Variants in IL3RA observed in about 807,000 individuals in gnomAD.
IL3RA encodes the protein interleukin-3 receptor subunit alpha.
A neutral mutation model predicts 52.3 loss-of-function variants in IL3RA; 73 were observed. The observed-to-expected ratio is 1.40, with a 90% CI of 1.16 to 1.70. The LOEUF (loss-of-function observed/expected upper bound fraction) is 1.70, where lower values mean the gene tolerates loss of function less well. IL3RA is among the 40% of genes most tolerant of loss of function. IL3RA has a pLI of 0.00. For synonymous variants in IL3RA, 260 were observed against 194.0 expected, an observed-to-expected ratio of 1.34 and a Z score of -2.83; for missense variants, 664 against 504.4, an observed-to-expected ratio of 1.32 and a Z score of -3.03.
chrX:1,377,366 G>C (rs2088838836), intron 9 of IL3RA, among the ~76,000 whole-genome samples: 1 of 151,808 alleles, frequency 6.6e-6, no homozygotes, highest in African/African-American at 2.4e-5. Flanking sequence ...TCAGCCTTCT[G>C]AGTAGCTGGG....
chrX:1,354,411 G>A, intron 6 of IL3RA, among the ~76,000 whole-genome samples: 1 of 150,900 alleles, frequency 6.6e-6, no homozygotes, highest in South Asian at 2.1e-4. Context: ...GTGCTCGGAT[G>A]CTTCAGAAGA....
In IL3RA at chrX:1,345,396, G is replaced by A. The variant is rs763856144; in HGVS notation, c.145G>A (p.Asp49Asn). ...LTWDLNRNVT[D>N]IECVKDADYS... ...CTGGGACCTTAACAGAAATGTGACC[G>A]ATATCGAGTGTGTTAAAGACGCCGA... The change falls in exon 3 of 12, where the codon GAT (aspartate) becomes AAT (asparagine). Residue 49 changes from aspartate (D) to asparagine (N), a missense_variant. Asp to Asn is a conservative substitution (Grantham distance 23, BLOSUM62 1). Coordinates refer to ENST00000331035, the MANE Select transcript of IL3RA (RefSeq NM_002183.4). The A allele has an allele frequency of 2.4e-5, 38 of 1,609,370 alleles. No individual in the cohort carries two copies. Among genetic ancestry groups the A allele is most frequent in the South Asian group, 5.5e-5 (5 of 90,524 alleles).
At chrX:1,365,396 G>T (rs1309502318) in intron 9 of IL3RA, 144 bp downstream of exon 9, 1 of 94,066 alleles carries the variant, frequency 1.1e-5, no homozygotes, top group Non-Finnish European at 1.8e-5. Context: ...GGCTGCGCGG[G>T]GTGAGCGGGG....
At chrX:1,344,657 T>C (rs6607443) in intron 2 of IL3RA, among the ~76,000 whole-genome samples, 70,525 of 147,222 alleles carry the variant, frequency 0.48, 16,972 homozygotes, top group Middle Eastern at 0.61. Flanking sequence ...CCTGTAATCC[T>C]AGCTACTCGG....
At chrX:1,361,161 CTCTG>C (rs1196644653) in intron 8 of IL3RA, among the ~76,000 whole-genome samples, 2 of 130,330 alleles carry the variant, frequency 1.5e-5, no homozygotes, top group Non-Finnish European at 3.2e-5. Flanking sequence ...CCCTTTCCTT[CTCTG>C]TCTCTCTCTC....
chrX:1,377,856 G>A (rs1182609020), intron 9 of IL3RA, among the ~76,000 whole-genome samples: 9 of 143,824 alleles, frequency 6.3e-5, no homozygotes, highest in Non-Finnish European at 1.0e-4. Context: ...CAGCACTGCA[G>A]AGCGAGACTC....
intron 8 of IL3RA, among the ~76,000 whole-genome samples, chrX:1,362,602 T>G: frequency 6.6e-6 from 1 of 152,222 alleles, no homozygotes; most frequent in East Asian, 1.9e-4. Context: ...TCTCCCTGTC[T>G]GTTTCTATCT....
rs754831031 is a variant in IL3RA, at chrX:1,348,069, G to A, written c.184-362G>A. 8.3e-5 allele frequency among the ~76,000 whole-genome samples: 12 copies of A among 144,048 alleles called. 1 individual carries two copies. In the East Asian group the frequency reaches 2.1e-3, roughly 25 times the overall value. The allele number at this position is 144,048 out of a possible 152,430, so 94.5% of individuals were successfully genotyped here. A position where few individuals can be genotyped will look rare whatever the true frequency, so the allele number is the denominator to read the frequency against. On this transcript the variant is annotated intron_variant, in intron 3 of 11. Transcript: ENST00000331035. ...AAAAAAACAGAAAAAAGTCTTGGCC[G>A]GGCACGGTGGCTCACGCCTGTAATC...
chrX:1,345,077 G>A (rs1348927426), intron 2 of IL3RA, among the ~76,000 whole-genome samples: 1 of 151,224 alleles, frequency 6.6e-6, no homozygotes, highest in Non-Finnish European at 1.5e-5. Flanking sequence ...GCTGAGGCAG[G>A]AGAGTTGCTT....
At chrX:1,356,053 C>G (rs1431300969) in intron 6 of IL3RA, among the ~76,000 whole-genome samples, 168 bp from the exon 7 acceptor site, 2 of 151,942 alleles carry the variant, frequency 1.3e-5, no homozygotes, top group Admixed American at 6.6e-5. Context: ...TCCTGTGTCT[C>G]TGCCTGTAGA....
At chrX:1,343,590 C>G (rs1603443024) in intron 2 of IL3RA, among the ~76,000 whole-genome samples, 2 of 148,846 alleles carry the variant, frequency 1.3e-5, no homozygotes, top group African/African-American at 5.0e-5. Flanking sequence ...TCACTTGAAC[C>G]CGGGAGGCGG....
At chrX:1,338,858 GGC>G (rs2085390283) in intron 1 of IL3RA, among the ~76,000 whole-genome samples, 1 of 152,004 alleles carries the variant, frequency 6.6e-6, no homozygotes, top group Non-Finnish European at 1.5e-5. Context: ...GGAGTGCAGT[GGC>G]GCGATCTCAG....
intron 8 of IL3RA, among the ~76,000 whole-genome samples, chrX:1,364,765 G>C (rs1182475722): frequency 6.6e-6 from 1 of 151,274 alleles, no homozygotes; most frequent in Non-Finnish European, 1.5e-5. Context: ...GGCATAAACC[G>C]TAGCACCCAG....
chrX:1,353,361 A>G (rs1428345206), intron 6 of IL3RA, among the ~76,000 whole-genome samples: 1 of 139,980 alleles, frequency 7.1e-6, no homozygotes, highest in East Asian at 2.3e-4. Context: ...GAGTCATGGG[A>G]TCCCTCATCA....
At chrX:1,377,203 T>C (rs1242142253) in intron 9 of IL3RA, among the ~76,000 whole-genome samples, 1 of 152,218 alleles carries the variant, frequency 6.6e-6, no homozygotes, top group Non-Finnish European at 1.5e-5. Flanking sequence ...CTTCCAGGAC[T>C]GTGGGAGAAT....
chrX:1,354,071 G>A (rs2086414616), intron 6 of IL3RA, among the ~76,000 whole-genome samples: 1 of 145,508 alleles, frequency 6.9e-6, no homozygotes, highest in African/African-American at 2.6e-5. Flanking sequence ...TGGGTCATGG[G>A]AGCCCCCATC....
At chrX:1,359,246 A>T (rs752001408) in intron 8 of IL3RA, among the ~76,000 whole-genome samples, 4 of 152,098 alleles carry the variant, frequency 2.6e-5, no homozygotes, top group Admixed American at 1.3e-4. Context: ...TGGGCCAGGC[A>T]GCCCCAGTCC....
intron 6 of IL3RA, among the ~76,000 whole-genome samples, chrX:1,355,298 A>T (rs2086608555): frequency 1.4e-5 from 1 of 71,148 alleles, no homozygotes; most frequent in Non-Finnish European, 2.8e-5. Flanking sequence ...GGGAGGAAAA[A>T]GGAGGAGGGG....
chrX:1,378,714 C>G lies in IL3RA; in HGVS notation c.930C>G (p.Ile310Met). ...GTGCCTGGCGGACGTCGCTGCTGAT[C>G]GCGCTGGGGACGCTGCTGGCCCTGG... The part of the protein sequence containing the change: ...NTRAWRTSLL[I>M]ALGTLLALVC... Residue 310 changes from isoleucine (I) to methionine (M), a missense_variant, in exon 10 of 12, where the codon ATC becomes ATG. Coordinates refer to ENST00000331035, the MANE Select transcript of IL3RA (RefSeq NM_002183.4). 4 of 1,612,678 alleles carry G rather than the reference C, an allele frequency of 2.5e-6. No homozygotes were observed. The highest frequency in any genetic ancestry group is 2.2e-5 in the East Asian group (1 of 44,888).
Sources: gnomAD v4.1 joint callset for allele counts (sites outside exome capture counted in the v4.1 genomes callset) on GRCh38, gnomAD v4.1.1 for gene constraint, MANE v1.5 for transcripts, NCBI Gene and HGNC (gene_info 2026-07-23, HGNC 2026-07-21) for gene names.